The following LHFPL1 variants were observed in gnomAD, a reference collection of about 807,000 sequenced individuals.
LHFPL1 encodes LHFPL tetraspan subfamily member 1, also known as LHFPL tetraspan subfamily member 1 protein.
In LHFPL1, 4 loss-of-function variants were observed where a neutral mutation model predicts 12.1. The ratio of observed to expected loss-of-function variants is 0.33; its 90% CI spans 0.16 to 0.76. The LOEUF (loss-of-function observed/expected upper bound fraction) is 0.76. LHFPL1 is among the 30% of genes least tolerant of loss of function. The pLI, the probability that LHFPL1 is intolerant of heterozygous loss-of-function variation, is 0.61. For synonymous variants in LHFPL1, 52 were observed against 61.9 expected, an observed-to-expected ratio of 0.84 and a Z score of 0.75; for missense variants, 141 against 174.1, an observed-to-expected ratio of 0.81 and a Z score of 1.07.
At chrX:112,678,650 T>C (rs1184150564) in intron 1 of LHFPL1, among the ~76,000 whole-genome samples, 1 of 96,889 alleles carries the variant, frequency 1.0e-5, no homozygotes, top group Non-Finnish European at 1.9e-5. Context: ...GGCAGCATGG[T>C]ATATCAAGAA....
At chrX:112,662,072 T>C (rs1303412126) in intron 2 of LHFPL1, among the ~76,000 whole-genome samples, 2 of 112,455 alleles carry the variant, frequency 1.8e-5, no homozygotes, top group Non-Finnish European at 3.8e-5. Context: ...AAATCTACTT[T>C]CCTTATGTTA....
chrX:112,631,700 T>C (rs1930195041), intron 3 of LHFPL1, 99 bp from the exon 4 acceptor site: 1 of 586,638 alleles, frequency 1.7e-6, no homozygotes, highest in Non-Finnish European at 2.6e-6. Flanking sequence ...ACAGTTTTTA[T>C]ACATTCTCTT....
intron 3 of LHFPL1, among the ~76,000 whole-genome samples, chrX:112,651,594 C>T (rs138626856): frequency 0.015 from 1,637 of 111,735 alleles, 25 homozygotes; most frequent in African/African-American, 0.051. Flanking sequence ...CTAGTCTTCC[C>T]CATTTTTGGA....
rs892049867 is a variant in LHFPL1 at position 112,660,570 on chromosome X, A to G, written c.481+57T>C. 8.2e-6 allele frequency: 8 copies of G among 978,795 alleles called. No homozygotes were observed. The African/African-American group carries it at 1.5e-4, about 19-fold the overall frequency. 80.7% of individuals were successfully genotyped at this position (978,795 alleles called of 1,213,427 possible). ...CAGAGTGCCCTCCAAGTGGTAAAGC[A>G]CTTTGGAAAACACATTTCCCATGAA... On this transcript the variant is annotated intron_variant, in intron 3 of 3. Transcript: ENST00000371968.
rs1373253947 is a variant in LHFPL1, at chrX:112,631,534, G to A, written c.549C>T (p.Cys183=). The change falls in exon 4 of 4, where the codon TGC becomes TGT. Residue 183 remains cysteine (C), a synonymous_variant. Coordinates refer to ENST00000371968, the MANE Select transcript of LHFPL1 (RefSeq NM_178175.4). ...TTCCAGCAAAGCAAGAGAGCCAGGT[G>A]CAGATCAACATGGCTGCAGCTGCTC... is the stretch of plus-strand genomic sequence containing the variant. ...GGGAAAAMLI[C]TWLSCFAGRN... is the part of the protein sequence containing the mutation. The A allele has an allele frequency of 2.5e-6, 3 of 1,210,679 alleles. No individual in the cohort carries two copies. Among genetic ancestry groups the A allele is most frequent in the South Asian group, 1.8e-5 (1 of 56,805 alleles).
chrX:112,634,538 C>T (rs747882657), intron 3 of LHFPL1, among the ~76,000 whole-genome samples: 1 of 111,737 alleles, frequency 8.9e-6, no homozygotes, highest in East Asian at 2.8e-4. Flanking sequence ...ATTTGAGTAG[C>T]AAGGATATTT....
intron 1 of LHFPL1, among the ~76,000 whole-genome samples, chrX:112,679,268 G>T (rs1372910385): frequency 1.8e-5 from 2 of 111,662 alleles, no homozygotes; most frequent in Non-Finnish European, 3.8e-5. Context: ...GGTTCTTCTG[G>T]AAATTGTCAT....
At chrX:112,664,794 T>C in intron 2 of LHFPL1, among the ~76,000 whole-genome samples, 1 of 112,111 alleles carries the variant, frequency 8.9e-6, no homozygotes, top group South Asian at 3.7e-4. Flanking sequence ...TTCTCATTAA[T>C]TTGGAGTTGT....
chrX:112,661,527 A>G (rs1931186740), intron 2 of LHFPL1: 1 of 111,850 alleles, frequency 8.9e-6, no homozygotes, highest in South Asian at 3.8e-4. Context: ...GATTGTATCA[A>G]GCATTGGCAT....
chrX:112,645,347 G>A (rs1462430124), intron 3 of LHFPL1, among the ~76,000 whole-genome samples: 1 of 111,474 alleles, frequency 9.0e-6, no homozygotes, highest in Admixed American at 9.5e-5. Flanking sequence ...TGCATATACT[G>A]GCTCCTTGCT....
chrX:112,639,943 G>T (rs1044920240), intron 3 of LHFPL1, among the ~76,000 whole-genome samples: 3 of 112,042 alleles, frequency 2.7e-5, no homozygotes, highest in African/African-American at 9.7e-5. Flanking sequence ...CCAAATATTG[G>T]ATGTATTCGA....
chrX:112,656,375 G>A (rs1326980489), intron 3 of LHFPL1, among the ~76,000 whole-genome samples: 3 of 92,406 alleles, frequency 3.2e-5, no homozygotes, highest in Non-Finnish European at 4.0e-5. Context: ...ACCTAATAAA[G>A]GTCCTCCATC....
rs183700180 is a variant in LHFPL1 at position 112,654,103 on chromosome X, T to C, written c.481+6524A>G. Among the ~76,000 whole-genome samples the C allele has an allele frequency of 2.1e-4, 24 of 111,760 alleles. No individual in the cohort carries two copies. The East Asian group carries it at 4.8e-3, about 22-fold the overall frequency. ...GACTTCTGAAAATTTAAAATAACCA[T>C]TAACCCAATCATTCCACTCCTAGGA... On this transcript the variant is annotated intron_variant, in intron 3 of 3. Transcript: ENST00000371968.
intron 2 of LHFPL1, among the ~76,000 whole-genome samples, chrX:112,662,476 C>T (rs1241775547): frequency 2.7e-5 from 3 of 112,024 alleles, no homozygotes; most frequent in East Asian, 2.8e-4. Flanking sequence ...GGCTGCCCCA[C>T]GGCAACTAGC....
chrX:112,642,612 T>C (rs1176861593), intron 3 of LHFPL1, among the ~76,000 whole-genome samples: 1 of 108,586 alleles, frequency 9.2e-6, no homozygotes, highest in Admixed American at 9.8e-5. Context: ...TACTAGGCCC[T>C]CTGCAAGGCA....
At chrX:112,674,911 T>C (rs1217775755) in intron 1 of LHFPL1, among the ~76,000 whole-genome samples, 1 of 112,210 alleles carries the variant, frequency 8.9e-6, no homozygotes, top group East Asian at 2.8e-4. Flanking sequence ...AGAACTACCA[T>C]TTGATCCAGC....
At chrX:112,671,550 C>T in intron 1 of LHFPL1, 146 bp from the exon 2 acceptor site, 1 of 1,125,409 alleles carries the variant, frequency 8.9e-7, no homozygotes, top group Admixed American at 2.8e-5. Flanking sequence ...TAAGATTATT[C>T]TCTCGAGGAC....
At chrX:112,663,255 A>G (rs1931241034) in intron 2 of LHFPL1, among the ~76,000 whole-genome samples, 1 of 112,318 alleles carries the variant, frequency 8.9e-6, no homozygotes, top group African/African-American at 3.2e-5. Context: ...AGCCTGTAAT[A>G]TATATTCTTT....
intron 1 of LHFPL1, among the ~76,000 whole-genome samples, chrX:112,676,253 T>C (rs1327464716): frequency 8.9e-6 from 1 of 112,367 alleles, no homozygotes; most frequent in African/African-American, 3.2e-5. Context: ...AATGCTATAT[T>C]TTATTCTATC....
Sources: gnomAD v4.1 joint callset for allele counts (sites outside exome capture counted in the v4.1 genomes callset) on GRCh38, gnomAD v4.1.1 for gene constraint, MANE v1.5 for transcripts, NCBI Gene and HGNC (gene_info 2026-07-23, HGNC 2026-07-21) for gene names.